PCDHA10: variants seen among roughly 807,000 people sequenced by gnomAD.
PCDHA10 encodes protocadherin alpha 10.
PCDHA10 carries 45 observed loss-of-function variants against 61.2 expected under a neutral mutation model. The observed-to-expected ratio is 0.74, with a 90% confidence interval of 0.58 to 0.94. The LOEUF is 0.94. Ranked by LOEUF, PCDHA10 falls within the 40% of genes least tolerant of loss-of-function variation. PCDHA10 has a pLI of 0.00. For missense variants in PCDHA10, 1,278 were observed against 1,236.2 expected, an observed-to-expected ratio of 1.03 and a Z score of -0.51; for synonymous variants, 602 against 548.8, an observed-to-expected ratio of 1.10 and a Z score of -1.35.
intron 1 of PCDHA10, among the ~76,000 whole-genome samples, chr5:140,951,450 C>A: frequency 6.6e-6 from 1 of 151,922 alleles, no homozygotes; most frequent in East Asian, 1.9e-4. Flanking sequence ...ATGATGCCGG[C>A]CATCTGCTTG....
intron 1 of PCDHA10, among the ~76,000 whole-genome samples, chr5:140,949,378 A>G (rs2094372256): frequency 6.6e-6 from 1 of 151,852 alleles, no homozygotes; most frequent in South Asian, 2.1e-4. Flanking sequence ...TGTCCTATCA[A>G]TTGCTCAGAG....
At chr5:140,968,020 C>G (rs1554230190) in intron 1 of PCDHA10, 1 of 1,614,202 alleles carries the variant, frequency 6.2e-7, no homozygotes, top group Non-Finnish European at 8.5e-7. Context: ...TTGGAAACTC[C>G]TATACACTGG....
At position 140,869,660 on chromosome 5, in the gene PCDHA10, G is replaced by T. The variant is rs782182212; in HGVS notation, c.2388+11224G>T. On this transcript the variant is annotated intron_variant, in intron 1 of 3. Coordinates refer to ENST00000307360, the MANE Select transcript of PCDHA10 (RefSeq NM_018901.4). ...TTTTCTTTAGATTCACCAACAAATG[G>T]TAAGCAGATTAAAAGACTGTCACTT... is the stretch of plus-strand genomic sequence containing the variant. 7 of 1,613,392 alleles carry T rather than the reference G, an allele frequency of 4.3e-6. No individual in the cohort carries two copies. The Admixed American group carries it at 1.2e-4, about 27-fold the overall frequency.
chr5:140,889,388 A>C (rs1554183883), intron 1 of PCDHA10, among the ~76,000 whole-genome samples: 1 of 152,070 alleles, frequency 6.6e-6, no homozygotes, highest in African/African-American at 2.4e-5. Context: ...AGGACCATTC[A>C]GAGTTTAATT....
intron 3 of PCDHA10, among the ~76,000 whole-genome samples, chr5:141,002,612 C>G (rs1487847560): frequency 1.3e-5 from 2 of 152,178 alleles, no homozygotes; most frequent in Non-Finnish European, 2.9e-5. Context: ...AAAACAGACA[C>G]ATAACACAGA....
chr5:141,011,752 C>T lies in PCDHA10; in HGVS notation c.*1815C>T, dbSNP rs1051150394. On this transcript the variant is annotated 3_prime_UTR_variant, in exon 4 of 4. Transcript: ENST00000307360. ...CAAGCACAAATTTTACCAATCTGAC[C>T]TCTTTGAAGTTGCAGAATGCTTTGA... The T allele has an allele frequency of 6.5e-6, 1 of 153,662 alleles. No homozygotes were observed. The highest frequency in any genetic ancestry group is 6.5e-5 in the Admixed American group (1 of 15,272). The allele number at this position is 153,662 out of a possible 1,614,324, so 9.5% of individuals were successfully genotyped here. A position where few individuals can be genotyped will look rare whatever the true frequency, so the allele number is the denominator to read the frequency against.
intron 1 of PCDHA10, chr5:140,884,455 G>A: frequency 2.5e-6 from 4 of 1,613,784 alleles, no homozygotes; most frequent in Non-Finnish European, 3.4e-6. Flanking sequence ...CGCCCACCGA[G>A]GGCGCGTGCG....
Position 140,870,844 on chromosome 5 carries a change from C to T in PCDHA10, c.2388+12408C>T. The T allele has an allele frequency of 3.1e-6, 5 of 1,613,832 alleles. No homozygotes were observed. The highest frequency in any genetic ancestry group is 4.2e-6 in the Non-Finnish European group (5 of 1,179,882). ...GGGAGGCGCAGTTAACAAGCTAGTA[C>T]CGCGGTCGGTGGGTGCGGGCCACGT... On this transcript the variant is annotated intron_variant, in intron 1 of 3. Transcript: ENST00000307360.
intron 1 of PCDHA10, among the ~76,000 whole-genome samples, chr5:140,936,730 T>C (rs2091111568): frequency 6.6e-6 from 1 of 152,258 alleles, no homozygotes; most frequent in Non-Finnish European, 1.5e-5. Flanking sequence ...GTGTTAAATA[T>C]AGTAACTTTT....
At chr5:140,952,962 C>A (rs246032) in intron 1 of PCDHA10, among the ~76,000 whole-genome samples, 85,448 of 151,620 alleles carry the variant, frequency 0.56, 24,697 homozygotes, top group African/African-American at 0.69. Context: ...GGAAGTGATA[C>A]ACACTTTTAA....
intron 1 of PCDHA10, chr5:140,869,765 A>C (rs376277801): frequency 1.9e-6 from 3 of 1,613,164 alleles, no homozygotes; most frequent in African/African-American, 2.7e-5. Flanking sequence ...GGAAAACCAG[A>C]GCTTACTGGC....
chr5:140,984,726 A>C (rs549219216), intron 3 of PCDHA10, among the ~76,000 whole-genome samples: 51 of 152,276 alleles, frequency 3.3e-4, no homozygotes, highest in Non-Finnish European at 5.0e-4. Flanking sequence ...AAAGATTAAG[A>C]TTATGATTTA....
rs577931904 is a variant in PCDHA10 at position 140,968,275 on chromosome 5, G to A, written c.2389-10674G>A. On this transcript the variant is annotated intron_variant, in intron 1 of 3. Coordinates refer to ENST00000307360, the MANE Select transcript of PCDHA10 (RefSeq NM_018901.4). ...ACCCAGATGAAAAGGAGAATGCAGA[G>A]GTGACCTACTCCCTTCTGGAGAGGG... is the stretch of plus-strand genomic sequence containing the variant. The A allele has an allele frequency of 5.0e-6, 8 of 1,614,040 alleles. No individual in the cohort carries two copies. The African/African-American group carries it at 8.0e-5, about 16-fold the overall frequency.
intron 1 of PCDHA10, chr5:140,871,263 G>T: frequency 6.2e-7 from 1 of 1,614,010 alleles, no homozygotes; most frequent in South Asian, 1.1e-5. Flanking sequence ...ATACGGCGCT[G>T]TGGTGGTCGG....
intron 1 of PCDHA10, among the ~76,000 whole-genome samples, chr5:140,933,958 G>A (rs2089541288): frequency 1.3e-5 from 2 of 151,998 alleles, no homozygotes; most frequent in South Asian, 4.1e-4. Context: ...AGGATCTGTA[G>A]TGATGTTTCC....
chr5:140,955,698 T>C (rs1295764352), intron 1 of PCDHA10, among the ~76,000 whole-genome samples: 2 of 152,218 alleles, frequency 1.3e-5, no homozygotes, highest in South Asian at 2.1e-4. Context: ...TGAATGTCAA[T>C]GGAAGTTTAA....
At chr5:141,008,626 A>G (rs375674921) in intron 3 of PCDHA10, among the ~76,000 whole-genome samples, 1 of 152,222 alleles carries the variant, frequency 6.6e-6, no homozygotes. Context: ...TTTCTCAAGT[A>G]TAATTAACAA....
At chr5:140,923,364 A>C (rs1414879540) in intron 1 of PCDHA10, among the ~76,000 whole-genome samples, 1 of 152,106 alleles carries the variant, frequency 6.6e-6, no homozygotes, top group African/African-American at 2.4e-5. Flanking sequence ...TATCTTTATA[A>C]AATATTTTTA....
chr5:140,995,787 T>C (rs2097697894), intron 3 of PCDHA10, among the ~76,000 whole-genome samples: 1 of 152,152 alleles, frequency 6.6e-6, no homozygotes, highest in Non-Finnish European at 1.5e-5. Context: ...AGGTTTAAAA[T>C]TTGTCTCATG....
Sources: allele counts gnomAD v4.1 joint callset (sites outside exome capture counted in the v4.1 genomes callset), GRCh38; gene constraint gnomAD v4.1.1; transcripts MANE v1.5; gene names NCBI Gene and HGNC (gene_info 2026-07-23, HGNC 2026-07-21).